The following FILIP1 variants were observed in gnomAD, a reference collection of about 807,000 sequenced individuals.
The protein encoded by FILIP1 is filamin-A-interacting protein 1.
In FILIP1, 61 loss-of-function variants were observed where a neutral mutation model predicts 102.1. That is an observed-to-expected ratio of 0.60 (90% CI 0.49 to 0.74). The LOEUF is 0.74. Among genes scored for constraint, FILIP1 ranks in the 30% least tolerant of loss-of-function variants. The pLI, the probability that FILIP1 is intolerant of heterozygous loss-of-function variation, is 0.00. For synonymous variants in FILIP1, 491 were observed against 526.9 expected, an observed-to-expected ratio of 0.93 and a Z score of 0.93; for missense variants, 1,314 against 1,441.2, an observed-to-expected ratio of 0.91 and a Z score of 1.43.
chr6:75,473,740 G>A (rs1385788613), intron 1 of FILIP1: 2 of 152,090 alleles, frequency 1.3e-5, no homozygotes, highest in Non-Finnish European at 2.9e-5. Flanking sequence ...CTTTTTTTAA[G>A]GGGAAAGCAC....
At chr6:75,373,577 T>C (rs1582411709) in intron 2 of FILIP1, among the ~76,000 whole-genome samples, 4 of 151,252 alleles carry the variant, frequency 2.6e-5, no homozygotes, top group African/African-American at 9.9e-5. Flanking sequence ...AGTGCTAGGG[T>C]TACAGGCGTG....
intron 4 of FILIP1, among the ~76,000 whole-genome samples, chr6:75,336,471 T>C (rs1774246205): frequency 6.6e-6 from 1 of 152,012 alleles, no homozygotes; most frequent in African/African-American, 2.4e-5. Context: ...AATATAAACT[T>C]GTGGTCTAAT....
At chr6:75,361,555 A>G (rs1391527570) in intron 3 of FILIP1, among the ~76,000 whole-genome samples, 1 of 152,220 alleles carries the variant, frequency 6.6e-6, no homozygotes, top group Middle Eastern at 3.2e-3. Flanking sequence ...TAAGGGTATG[A>G]GCAGTTATCA....
intron 2 of FILIP1, among the ~76,000 whole-genome samples, chr6:75,368,108 C>G (rs942355902): frequency 6.6e-6 from 1 of 152,232 alleles, no homozygotes; most frequent in Non-Finnish European, 1.5e-5. Context: ...TCACACCATT[C>G]TCTTCCATCA....
intron 5 of FILIP1, among the ~76,000 whole-genome samples, chr6:75,309,679 C>G (rs13217241): frequency 0.055 from 8,354 of 152,174 alleles, 314 homozygotes; most frequent in Non-Finnish European, 0.078. Context: ...ATAACATGCC[C>G]CAAACATTAC....
chr6:75,395,074 A>C (rs1015709098), intron 2 of FILIP1, among the ~76,000 whole-genome samples: 10 of 152,042 alleles, frequency 6.6e-5, no homozygotes, highest in African/African-American at 1.7e-4. Context: ...TAAAATCTCT[A>C]TGTGTACTAA....
chr6:75,334,599 G>A (rs1774179810), intron 4 of FILIP1: 1 of 152,192 alleles, frequency 6.6e-6, no homozygotes, highest in African/African-American at 2.4e-5. Context: ...ATGGACAAGA[G>A]TAACTAACAT....
chr6:75,296,062 G>A (rs1333380506), intron 6 of FILIP1: 2 of 680,834 alleles, frequency 2.9e-6, no homozygotes, highest in Non-Finnish European at 4.3e-6. Context: ...ACAAAAACAG[G>A]TACATGAGGC....
chr6:75,387,888 T>G (rs1776152401), intron 2 of FILIP1, among the ~76,000 whole-genome samples: 1 of 152,204 alleles, frequency 6.6e-6, no homozygotes, highest in East Asian at 1.9e-4. Flanking sequence ...TTAGTTTAAT[T>G]AGATCCCACT....
intron 4 of FILIP1, among the ~76,000 whole-genome samples, chr6:75,342,782 C>G (rs1562480919): frequency 6.6e-6 from 1 of 152,230 alleles, no homozygotes; most frequent in Non-Finnish European, 1.5e-5. Context: ...TTGACCAGCC[C>G]TGCCTCAGCT....
intron 5 of FILIP1, among the ~76,000 whole-genome samples, chr6:75,310,402 G>A (rs907737027): frequency 6.6e-6 from 1 of 152,224 alleles, no homozygotes; most frequent in African/African-American, 2.4e-5. Flanking sequence ...AAGTGTAGCT[G>A]ACACTCAACA....
chr6:75,396,725 T>G (rs1776473278), intron 2 of FILIP1, among the ~76,000 whole-genome samples: 3 of 152,026 alleles, frequency 2.0e-5, no homozygotes, highest in Admixed American at 2.0e-4. Context: ...AAGGGAAGCC[T>G]ATGTCTCTTA....
At chr6:75,380,477 T>C (rs1347563081) in intron 2 of FILIP1, among the ~76,000 whole-genome samples, 2 of 152,156 alleles carry the variant, frequency 1.3e-5, no homozygotes, top group African/African-American at 4.8e-5. Context: ...AGAACTATAA[T>C]AGTTATTGCA....
At chr6:75,326,112 G>GATAGATAGAT (rs1562461913) in intron 4 of FILIP1, among the ~76,000 whole-genome samples, 316 of 96,016 alleles carry the variant, frequency 3.3e-3, no homozygotes, top group African/African-American at 0.011. Flanking sequence ...GATAGATAGA[G>GATAGATAGAT]AGATAGATAG....
At chr6:75,396,248 TG>T (rs1455494111) in intron 2 of FILIP1, among the ~76,000 whole-genome samples, 1 of 151,132 alleles carries the variant, frequency 6.6e-6, no homozygotes, top group Admixed American at 6.6e-5. Context: ...GGTCAGCCCA[TG>T]AAAGCCCAAG....
chr6:75,392,095 C>T (rs1011412784), intron 2 of FILIP1, among the ~76,000 whole-genome samples: 5 of 152,162 alleles, frequency 3.3e-5, no homozygotes, highest in African/African-American at 1.2e-4. Context: ...GCCCTACTTG[C>T]TGATTTTCCT....
At chr6:75,382,721 G>A (rs925978356) in intron 2 of FILIP1, among the ~76,000 whole-genome samples, 4 of 152,124 alleles carry the variant, frequency 2.6e-5, no homozygotes, top group Non-Finnish European at 5.9e-5. Context: ...TCTAAAGGTC[G>A]CTACAGATCA....
rs542641931 is a variant in FILIP1 at position 75,361,543 on chromosome 6, A to G, written c.450+1201T>C. 6.4e-4 allele frequency among the ~76,000 whole-genome samples: 97 copies of G among 152,338 alleles called. 2 individuals are homozygous for G. The South Asian group carries it at 0.019, about 30-fold the overall frequency. ...TCAAATCTCCCCAAGTTTCAAACCA[A>G]TTAAGGGTATGAGCAGTTATCATTT... On this transcript the variant is annotated intron_variant, in intron 3 of 5. Transcript: ENST00000237172.
intron 2 of FILIP1, among the ~76,000 whole-genome samples, chr6:75,391,206 T>C (rs960083783): frequency 6.6e-6 from 1 of 152,048 alleles, no homozygotes; most frequent in Non-Finnish European, 1.5e-5. Flanking sequence ...TCATTCAGCT[T>C]AAATTTCAAT....
Sources: gnomAD v4.1 joint callset for allele counts (sites outside exome capture counted in the v4.1 genomes callset) on GRCh38, gnomAD v4.1.1 for gene constraint, MANE v1.5 for transcripts, NCBI Gene and HGNC (gene_info 2026-07-23, HGNC 2026-07-21) for gene names.